The following GNA14 variants were observed in gnomAD, a reference collection of about 807,000 sequenced individuals.
The protein encoded by GNA14 is G protein subunit alpha 14.
Under a neutral mutation model 42.0 loss-of-function variants are expected in GNA14, and 50 were observed. The ratio of observed to expected loss-of-function variants is 1.19; its 90% CI spans 0.95 to 1.51. GNA14 has a LOEUF of 1.51. Among genes scored for constraint, GNA14 ranks in the 40% most tolerant of loss-of-function variants. The pLI, the probability that GNA14 is intolerant of heterozygous loss-of-function variation, is 0.00. For synonymous variants in GNA14, 173 were observed against 163.1 expected (o/e 1.06, Z -0.46); for missense variants, 473 against 446.2 (o/e 1.06, Z -0.54).
At chr9:77,545,682 T>C (rs1367300215) in intron 1 of GNA14, among the ~76,000 whole-genome samples, 1 of 152,208 alleles carries the variant, frequency 6.6e-6, no homozygotes, top group African/African-American at 2.4e-5. Flanking sequence ...GCTGATTCCC[T>C]GGTCAGAGTG....
chr9:77,431,595 G>C, intron 3 of GNA14, 146 bp from the exon 4 acceptor site: 1 of 652,442 alleles, frequency 1.5e-6, no homozygotes, highest in East Asian at 2.7e-5. Flanking sequence ...GCCAGTGCCA[G>C]GCCAGGCTTC....
At chr9:77,625,249 G>A (rs1368557274) in intron 1 of GNA14, among the ~76,000 whole-genome samples, 1 of 152,078 alleles carries the variant, frequency 6.6e-6, no homozygotes, top group Non-Finnish European at 1.5e-5. Flanking sequence ...GAGACTATGT[G>A]AAAAGACCAA....
At chr9:77,474,361 AAAG>A (rs1202005060) in intron 2 of GNA14, among the ~76,000 whole-genome samples, 10 of 150,674 alleles carry the variant, frequency 6.6e-5, no homozygotes, top group East Asian at 5.9e-4. Context: ...GCATTTCTAC[AAAG>A]AAGATACACA....
intron 1 of GNA14, among the ~76,000 whole-genome samples, chr9:77,643,640 G>A (rs1173062043): frequency 2.6e-5 from 4 of 152,136 alleles, no homozygotes; most frequent in African/African-American, 9.7e-5. Flanking sequence ...ATGGGATTTT[G>A]TTATAACCAA....
intron 1 of GNA14, among the ~76,000 whole-genome samples, chr9:77,583,116 T>C (rs1407716599): frequency 6.6e-6 from 1 of 152,202 alleles, no homozygotes; most frequent in Non-Finnish European, 1.5e-5. Context: ...GGTCTTGGGA[T>C]AGGCACAAGA....
rs972647390 is a variant in GNA14, at chr9:77,431,636, A to G, written c.465-187T>C. ...CCTTCCTACGACTGTTTTGAAGACAATATGGGTCAGAAGGACTTCCATGCG... is the reference window on the plus strand; with the variant it reads ...CCTTCCTACGACTGTTTTGAAGACAGTATGGGTCAGAAGGACTTCCATGCG... On this transcript the variant is annotated intron_variant, in intron 3 of 6. Transcript: ENST00000341700. 6.1e-5 allele frequency: 32 copies of G among 522,800 alleles called. No individual in the cohort carries two copies. In the Admixed American group the frequency reaches 7.2e-4, roughly 12 times the overall value. The allele number at this position is 522,800 out of a possible 1,614,324, so 32.4% of individuals were successfully genotyped here.
chr9:77,576,302 G>A (rs1823127389), intron 1 of GNA14, among the ~76,000 whole-genome samples: 1 of 152,156 alleles, frequency 6.6e-6, no homozygotes, highest in African/African-American at 2.4e-5. Flanking sequence ...TATGACTTGA[G>A]CTCTTGATAA....
intron 1 of GNA14, among the ~76,000 whole-genome samples, chr9:77,647,252 C>A (rs1265836032): frequency 2.6e-5 from 4 of 152,190 alleles, no homozygotes; most frequent in Non-Finnish European, 4.4e-5. Context: ...ATGGTAAATT[C>A]TCAAGATGCT....
intron 3 of GNA14, among the ~76,000 whole-genome samples, chr9:77,433,311 A>G (rs186010081): frequency 5.9e-5 from 9 of 152,264 alleles, no homozygotes; most frequent in African/African-American, 2.2e-4. Context: ...TTTAAGAAGG[A>G]CCCATATCAA....
intron 1 of GNA14, among the ~76,000 whole-genome samples, chr9:77,550,939 G>C (rs1242596000): frequency 6.6e-6 from 1 of 152,140 alleles, no homozygotes; most frequent in African/African-American, 2.4e-5. Context: ...ATGCTATTGT[G>C]GGCCCAGTTC....
chr9:77,593,244 A>G (rs927168094), intron 1 of GNA14, among the ~76,000 whole-genome samples: 1 of 152,196 alleles, frequency 6.6e-6, no homozygotes, highest in Non-Finnish European at 1.5e-5. Context: ...CACAAGAACC[A>G]TGAGTAGCAA....
chr9:77,508,432 T>G (rs1050074486), intron 2 of GNA14, among the ~76,000 whole-genome samples: 29 of 151,780 alleles, frequency 1.9e-4, no homozygotes, highest in Non-Finnish European at 3.5e-4. Flanking sequence ...TGGACAAAGG[T>G]GGTGTTGGAT....
At chr9:77,640,539 G>C (rs1330273046) in intron 1 of GNA14, among the ~76,000 whole-genome samples, 1 of 152,080 alleles carries the variant, frequency 6.6e-6, no homozygotes, top group Non-Finnish European at 1.5e-5. Flanking sequence ...GACTTTATTT[G>C]CATTGCTTTT....
At chr9:77,491,987 G>C (rs913647804) in intron 2 of GNA14, among the ~76,000 whole-genome samples, 6 of 152,054 alleles carry the variant, frequency 3.9e-5, no homozygotes, top group Non-Finnish European at 7.4e-5. Flanking sequence ...ATAAAACTAG[G>C]AACTGATAAC....
At chr9:77,647,293 G>A (rs1027183218) in intron 1 of GNA14, among the ~76,000 whole-genome samples, 1 of 152,224 alleles carries the variant, frequency 6.6e-6, no homozygotes, top group Non-Finnish European at 1.5e-5. Context: ...ACGGGTCAGA[G>A]CTAGCGCTGA....
At chr9:77,597,923 G>A (rs937958983) in intron 1 of GNA14, among the ~76,000 whole-genome samples, 1 of 152,004 alleles carries the variant, frequency 6.6e-6, no homozygotes, top group South Asian at 2.1e-4. Context: ...AATTAGCTGG[G>A]CGTGGTGGTG....
chr9:77,606,864 G>A (rs1376864511), intron 1 of GNA14, among the ~76,000 whole-genome samples: 1 of 152,128 alleles, frequency 6.6e-6, no homozygotes, highest in East Asian at 1.9e-4. Context: ...GTTTAGATGA[G>A]GTCATGAGGA....
At chr9:77,533,039 G>C (rs1018093171) in intron 1 of GNA14, among the ~76,000 whole-genome samples, 3 of 152,170 alleles carry the variant, frequency 2.0e-5, no homozygotes, top group Admixed American at 2.0e-4. Context: ...GTAAAAGAGA[G>C]AATAAAATTA....
At chr9:77,612,708 A>G (rs1460685566) in intron 1 of GNA14, among the ~76,000 whole-genome samples, 1 of 152,156 alleles carries the variant, frequency 6.6e-6, no homozygotes, top group Admixed American at 6.5e-5. Flanking sequence ...ATGTGGAGAA[A>G]AGGGAAATCT....
Sources: allele counts gnomAD v4.1 joint callset (sites outside exome capture counted in the v4.1 genomes callset), GRCh38; gene constraint gnomAD v4.1.1; transcripts MANE v1.5; gene names NCBI Gene and HGNC (gene_info 2026-07-23, HGNC 2026-07-21).